NUF2: variants seen among roughly 807,000 people sequenced by gnomAD.
NUF2 encodes NUF2 component of NDC80 kinetochore complex.
Under a neutral mutation model 61.8 loss-of-function variants are expected in NUF2, and 34 were observed. The ratio of observed to expected loss-of-function variants is 0.55; its 90% CI spans 0.42 to 0.73. The LOEUF (loss-of-function observed/expected upper bound fraction) is 0.73, where lower values mean the gene tolerates loss of function less well. NUF2 is among the 30% of genes least tolerant of loss of function. The pLI, the probability that NUF2 is intolerant of heterozygous loss-of-function variation, is 0.00. For missense variants in NUF2, 445 were observed against 539.1 expected, an observed-to-expected ratio of 0.83 and a Z score of 1.73; for synonymous variants, 172 against 181.6, an observed-to-expected ratio of 0.95 and a Z score of 0.42.
chr1:163,342,126 A>G (rs893505426), intron 9 of NUF2, among the ~76,000 whole-genome samples: 2 of 152,064 alleles, frequency 1.3e-5, no homozygotes, highest in African/African-American at 4.8e-5. Flanking sequence ...TTATTTTTTA[A>G]TACTATATTT....
At chr1:163,323,304 C>G (rs1650300332) in intron 1 of NUF2, among the ~76,000 whole-genome samples, 1 of 152,162 alleles carries the variant, frequency 6.6e-6, no homozygotes, top group African/African-American at 2.4e-5. Flanking sequence ...TGAAGTCTTT[C>G]TTTGGTCCAG....
chr1:163,340,799 A>C (rs58919282), intron 9 of NUF2, among the ~76,000 whole-genome samples: 498 of 152,306 alleles, frequency 3.3e-3, no homozygotes, highest in African/African-American at 0.011. Flanking sequence ...GATCCTCATT[A>C]TATTAATGCT....
chr1:163,354,387 G>C (rs1185555731), intron 13 of NUF2, among the ~76,000 whole-genome samples: 1 of 152,070 alleles, frequency 6.6e-6, no homozygotes, highest in Non-Finnish European at 1.5e-5. Flanking sequence ...ACTTGCATAG[G>C]TGGCAGAGTT....
chr1:163,328,481 C>A, intron 4 of NUF2, 177 bp downstream of exon 4: 1 of 512,484 alleles, frequency 2.0e-6, no homozygotes, highest in South Asian at 3.4e-5. Flanking sequence ...AGAACTGCCT[C>A]CAACTGTGCC....
chr1:163,345,639 G>A (rs776488321), intron 10 of NUF2, 39 bp from the exon 11 acceptor site: 2 of 1,567,362 alleles, frequency 1.3e-6, no homozygotes, highest in Middle Eastern at 1.7e-4. Context: ...TCATAAAGAA[G>A]AATATCAAAC....
chr1:163,339,544 A>G, intron 8 of NUF2, 67 bp downstream of exon 8: 1 of 885,738 alleles, frequency 1.1e-6, no homozygotes, highest in Non-Finnish European at 1.9e-6. Flanking sequence ...TGGGACATAT[A>G]GTGGAGGTAA....
At chr1:163,339,260 G>C (rs1185959324) in intron 7 of NUF2, 121 bp from the exon 8 acceptor site, 7 of 614,580 alleles carry the variant, frequency 1.1e-5, no homozygotes, top group Non-Finnish European at 1.7e-5. Context: ...CCACATGAAA[G>C]GGTGTAATTC....
At chr1:163,353,320 G>A (rs1651386235) in intron 13 of NUF2, among the ~76,000 whole-genome samples, 1 of 152,172 alleles carries the variant, frequency 6.6e-6, no homozygotes, top group Admixed American at 6.5e-5. Flanking sequence ...TCCATGGATA[G>A]TGTATAGTCT....
At chr1:163,323,862 G>A (rs1650324227) in intron 1 of NUF2, among the ~76,000 whole-genome samples, 1 of 151,978 alleles carries the variant, frequency 6.6e-6, no homozygotes, top group Admixed American at 6.6e-5. Context: ...ACAGCAGATG[G>A]TGACCAAAAA....
At position 163,355,619 on chromosome 1, in the gene NUF2, T is replaced by C; in HGVS notation, c.*150T>C. Reference sequence around the variant, plus strand: ...ACACTCTCATAAGTAGTTAATAAGATGAATTTAATGTAGGCTTTTATTAAT... The same window carrying C: ...ACACTCTCATAAGTAGTTAATAAGACGAATTTAATGTAGGCTTTTATTAAT... On this transcript the variant is annotated 3_prime_UTR_variant, in exon 14 of 14. Transcript: ENST00000271452. The C allele has an allele frequency of 2.2e-6, 1 of 459,444 alleles. No homozygotes were observed. The highest frequency in any genetic ancestry group is 3.8e-6 in the Non-Finnish European group (1 of 263,108). 28.5% of individuals were successfully genotyped at this position (459,444 alleles called of 1,614,324 possible).
At chr1:163,326,264 C>A in intron 2 of NUF2, 90 bp downstream of exon 2, 1 of 1,198,496 alleles carries the variant, frequency 8.3e-7, no homozygotes, top group Non-Finnish European at 1.2e-6. Flanking sequence ...AGGGATATGG[C>A]CTCCTATTTG....
In NUF2 at chr1:163,343,793, AT is replaced by A; in HGVS notation, c.732del (p.Ile244MetfsTer8). 1 of 1,451,246 alleles carries A rather than the reference AT, an allele frequency of 6.9e-7. No individual in the cohort carries two copies. The highest frequency in any genetic ancestry group is 9.2e-7 in the Non-Finnish European group (1 of 1,090,298). The allele number at this position is 1,451,246 out of a possible 1,614,324, so 89.9% of individuals were successfully genotyped here. On this transcript the variant is annotated frameshift_variant, in exon 10 of 14. Coordinates refer to ENST00000271452, the MANE Select transcript of NUF2 (RefSeq NM_145697.3). LOFTEE classifies it high-confidence loss of function. ...KEIQESLKTK[I>X]VDSPEKLKNY... ...AATACAAGAGAGTTTGAAAACAAAA[AT>A]TGTGGATTCTCCAGAGAAGTTAAAG...
At chr1:163,347,400 G>T (rs2101688188) in intron 11 of NUF2, among the ~76,000 whole-genome samples, 1 of 152,318 alleles carries the variant, frequency 6.6e-6, no homozygotes, top group South Asian at 2.1e-4. Flanking sequence ...ACCCAAAAAA[G>T]ATGTGTATCT....
intron 9 of NUF2, among the ~76,000 whole-genome samples, chr1:163,342,988 C>T (rs1650996450): frequency 1.3e-5 from 2 of 152,126 alleles, no homozygotes; most frequent in African/African-American, 4.8e-5. Context: ...GTAAATACAA[C>T]TTATCAACAA....
rs189199546 is a variant in NUF2, at chr1:163,328,119, G to A, written c.199-109G>A. ...GCATTTATACTAGGATATGTATTAAGGTTTTTAATTTAATGATAGTGAGTT... is the reference window on the plus strand; with the variant it reads ...GCATTTATACTAGGATATGTATTAAAGTTTTTAATTTAATGATAGTGAGTT... On this transcript the variant is annotated intron_variant, in intron 3 of 13. Transcript: ENST00000271452. 2,209 of 651,806 alleles carry A rather than the reference G, an allele frequency of 3.4e-3. 73 individuals carry two copies. In the Admixed American group the frequency reaches 0.058, roughly 17 times the overall value. 40.4% of individuals were successfully genotyped at this position (651,806 alleles called of 1,614,324 possible).
intron 5 of NUF2, among the ~76,000 whole-genome samples, chr1:163,334,937 T>G (rs776340980): frequency 6.6e-6 from 1 of 151,450 alleles, no homozygotes; most frequent in Admixed American, 6.6e-5. Flanking sequence ...ATTTTTTGTG[T>G]GTTTGTCTTG....
chr1:163,345,972 CTT>C (rs992163932), intron 11 of NUF2, 154 bp downstream of exon 11: 5 of 502,792 alleles, frequency 9.9e-6, no homozygotes, highest in African/African-American at 3.9e-5. Flanking sequence ...GAAAAAGACA[CTT>C]TTCTTTTTAA....
chr1:163,347,974 G>A (rs752023897), intron 12 of NUF2, 36 bp downstream of exon 12: 11 of 1,368,142 alleles, frequency 8.0e-6, no homozygotes, highest in South Asian at 1.8e-5. Flanking sequence ...GTATTAGAAA[G>A]CAATTATGAA....
chr1:163,353,324 A>G (rs1273765087), intron 13 of NUF2, among the ~76,000 whole-genome samples: 4 of 152,222 alleles, frequency 2.6e-5, no homozygotes, highest in Admixed American at 2.6e-4. Flanking sequence ...TGGATAGTGT[A>G]TAGTCTTAAA....
Sources: gnomAD v4.1 joint callset for allele counts (sites outside exome capture counted in the v4.1 genomes callset) on GRCh38, gnomAD v4.1.1 for gene constraint, MANE v1.5 for transcripts, NCBI Gene and HGNC (gene_info 2026-07-23, HGNC 2026-07-21) for gene names.